Variants in IPP observed in about 807,000 individuals in gnomAD.
IPP encodes intracisternal A particle-promoted polypeptide, also known as actin-binding protein IPP.
IPP carries 41 observed loss-of-function variants against 64.1 expected under a neutral mutation model. That is an observed-to-expected ratio of 0.64 (90% confidence interval 0.50 to 0.83). The LOEUF is 0.83. IPP is among the 40% of genes least tolerant of loss of function. The probability of loss-of-function intolerance (pLI) is 0.00; values close to 1 mark genes in which losing one functional copy is unlikely to be tolerated. For synonymous variants in IPP, 214 were observed against 235.2 expected (o/e 0.91, Z 0.83); for missense variants, 649 against 703.0 (o/e 0.92, Z 0.87).
intron 3 of IPP, 124 bp from the exon 4 acceptor site, chr1:45,729,893 TG>T (rs1308080959): frequency 8.1e-6 from 5 of 620,332 alleles, no homozygotes; most frequent in Non-Finnish European, 1.4e-5. Context: ...CAAACAATGG[TG>T]TTTGTTTCCT....
At chr1:45,724,934 GA>G (rs1645792513) in intron 5 of IPP, among the ~76,000 whole-genome samples, 1 of 144,916 alleles carries the variant, frequency 6.9e-6, no homozygotes, top group Non-Finnish European at 1.5e-5. Flanking sequence ...TCCGGGAGGT[GA>G]GGGGCTCCTC....
intron 8 of IPP, among the ~76,000 whole-genome samples, chr1:45,703,213 TGAG>T (rs772777044): frequency 4.0e-5 from 6 of 150,860 alleles, no homozygotes; most frequent in Non-Finnish European, 5.9e-5. Context: ...CTCAGCCTCC[TGAG>T]GAGCTGGGAC....
chr1:45,748,918 G>A (rs1021786536), intron 1 of IPP, among the ~76,000 whole-genome samples: 2 of 149,632 alleles, frequency 1.3e-5, no homozygotes, highest in African/African-American at 5.0e-5. Flanking sequence ...GTTGCAGTGA[G>A]TGGAGATGGA....
chr1:45,749,582 A>T (rs1272300457), intron 1 of IPP, among the ~76,000 whole-genome samples: 1 of 139,194 alleles, frequency 7.2e-6, no homozygotes, highest in Non-Finnish European at 1.5e-5. Context: ...GTGCAGTGGC[A>T]CGATCTCGGC....
chr1:45,727,467 C>G (rs542902464), intron 5 of IPP, among the ~76,000 whole-genome samples, 164 bp downstream of exon 5: 1 of 147,048 alleles, frequency 6.8e-6, no homozygotes, highest in African/African-American at 2.6e-5. Context: ...TCTTCCCTTT[C>G]TCTTCCTTCC....
At position 45,727,771 on chromosome 1, in the gene IPP, C is replaced by T. The variant is rs775498465; in HGVS notation, c.908G>A (p.Arg303His). 3.2e-6 allele frequency: 5 copies of T among 1,567,250 alleles called. No homozygotes were observed. The highest frequency in any genetic ancestry group is 1.2e-5 in the South Asian group (1 of 84,854). Residue 303 changes from arginine to histidine, a missense_variant, in exon 5 of 9, where the codon CGC (arginine) becomes CAC (histidine). Physicochemically the swap from Arg to His is conservative, Grantham distance 29 (BLOSUM62 0). Coordinates refer to ENST00000396478, the MANE Select transcript of IPP (RefSeq NM_005897.3). ...GCTGAGGGCTCTGCTATCACTCCAG[C>T]GACCCCCCTGCAACCGAGTATATCC... Reference protein sequence around the residue: ...VGGYTRLQGGRWSDSRALSCV... With the variant: ...VGGYTRLQGGHWSDSRALSCV...
chr1:45,727,871 T>C, intron 4 of IPP, 73 bp from the exon 5 acceptor site: 3 of 1,060,974 alleles, frequency 2.8e-6, no homozygotes, highest in East Asian at 5.0e-5. Flanking sequence ...AACTACTATA[T>C]AACAAGAAAT....
chr1:45,704,514 G>A (rs1645492675), intron 8 of IPP, among the ~76,000 whole-genome samples: 1 of 152,196 alleles, frequency 6.6e-6, no homozygotes, highest in South Asian at 2.1e-4. Flanking sequence ...GGGATTACCG[G>A]CGTGAGACAC....
intron 2 of IPP, among the ~76,000 whole-genome samples, chr1:45,742,233 A>G (rs940554041): frequency 6.6e-6 from 1 of 152,156 alleles, no homozygotes; most frequent in African/African-American, 2.4e-5. Flanking sequence ...GGAGGGTAGG[A>G]GGAGGGTAAA....
intron 7 of IPP, among the ~76,000 whole-genome samples, chr1:45,716,587 G>C (rs999211388): frequency 6.6e-6 from 1 of 152,166 alleles, no homozygotes; most frequent in Non-Finnish European, 1.5e-5. Flanking sequence ...TATTTACTTA[G>C]ATGTTCATGG....
intron 1 of IPP, among the ~76,000 whole-genome samples, chr1:45,749,790 G>T (rs542723126): frequency 1.3e-5 from 2 of 152,026 alleles, no homozygotes; most frequent in Admixed American, 1.3e-4. Context: ...AAAGTGCTGG[G>T]ATTACAGGCG....
intron 7 of IPP, 54 bp downstream of exon 7, chr1:45,716,841 C>CAA: frequency 6.5e-7 from 1 of 1,528,536 alleles, no homozygotes; most frequent in Non-Finnish European, 8.9e-7. Context: ...GCCTCAAACT[C>CAA]AAACAGTTTT....
downstream of IPP, among the ~76,000 whole-genome samples, chr1:45,695,202 T>G (rs1160904398): frequency 6.6e-6 from 1 of 152,218 alleles, no homozygotes; most frequent in East Asian, 1.9e-4. Flanking sequence ...GGTCTCACTC[T>G]TGCTCAGGCC....
At chr1:45,747,729 G>A (rs1452837407) in intron 1 of IPP, among the ~76,000 whole-genome samples, 1 of 150,298 alleles carries the variant, frequency 6.7e-6, no homozygotes, top group Non-Finnish European at 1.5e-5. Context: ...TTGGGAGGCT[G>A]AGGCACAAGA....
At chr1:45,712,114 G>A (rs1033524272) in intron 8 of IPP, among the ~76,000 whole-genome samples, 3 of 151,924 alleles carry the variant, frequency 2.0e-5, no homozygotes, top group South Asian at 4.1e-4. Flanking sequence ...TCATGAGTTC[G>A]AGACCAGTCT....
intron 8 of IPP, among the ~76,000 whole-genome samples, chr1:45,704,207 T>C (rs908542579): frequency 1.3e-5 from 2 of 152,028 alleles, no homozygotes; most frequent in East Asian, 1.9e-4. Context: ...AATAAGTAAA[T>C]TGAATGAAAT....
At chr1:45,749,520 T>TTG (rs1646189048) in intron 1 of IPP, among the ~76,000 whole-genome samples, 1 of 129,628 alleles carries the variant, frequency 7.7e-6, no homozygotes, top group Non-Finnish European at 1.7e-5. Flanking sequence ...TTGTTTTTGT[T>TTG]TTTTGTTTTT....
chr1:45,707,422 C>CAAAAA (rs66578618), intron 8 of IPP, among the ~76,000 whole-genome samples: 66 of 72,956 alleles, frequency 9.0e-4, no homozygotes, highest in East Asian at 1.6e-3. Context: ...GACTCCATAT[C>CAAAAA]AAAAAAAAAA....
At chr1:45,730,203 T>C (rs1645888566) in intron 3 of IPP, among the ~76,000 whole-genome samples, 1 of 151,912 alleles carries the variant, frequency 6.6e-6, no homozygotes, top group Admixed American at 6.6e-5. Flanking sequence ...AATACAAAAA[T>C]TAGCTGGGTG....
Sources: allele counts gnomAD v4.1 joint callset (sites outside exome capture counted in the v4.1 genomes callset), GRCh38; gene constraint gnomAD v4.1.1; transcripts MANE v1.5; gene names NCBI Gene and HGNC (gene_info 2026-07-23, HGNC 2026-07-21).